The following FAM199X variants were observed in gnomAD, a reference collection of about 807,000 sequenced individuals.
FAM199X encodes protein FAM199X.
Under a neutral mutation model 22.9 loss-of-function variants are expected in FAM199X, and 4 were observed. That is an observed-to-expected ratio of 0.17 (90% CI 0.09 to 0.40). The LOEUF is 0.40. Ranked by LOEUF, FAM199X falls within the 10% of genes least tolerant of loss-of-function variation. The pLI is 1.00. For synonymous variants in FAM199X, 101 were observed against 112.3 expected, an observed-to-expected ratio of 0.90 and a Z score of 0.64; for missense variants, 183 against 306.8, an observed-to-expected ratio of 0.60 and a Z score of 3.01.
chrX:104,172,239 C>CA lies in FAM199X; in HGVS notation c.198-3366dup, dbSNP rs782684130. Among the ~76,000 whole-genome samples the CA allele has an allele frequency of 8.0e-3, 507 of 63,659 alleles. 10 individuals carry two copies. The highest frequency in any genetic ancestry group is 0.018 in the African/African-American group (316 of 17,384). The allele number at this position is 63,659 out of a possible 115,157, so 55.3% of individuals were successfully genotyped here. On this transcript the variant is annotated intron_variant, in intron 1 of 5. Transcript: ENST00000493442. ...CAACGTGATGAAACCCTTTCTCTTC[C>CA]AAAAAAAAAAAAAAAAAAGAAATGT...
At chrX:104,170,113 TG>T (rs1391768140) in intron 1 of FAM199X, among the ~76,000 whole-genome samples, 1 of 112,504 alleles carries the variant, frequency 8.9e-6, no homozygotes, top group East Asian at 2.8e-4. Flanking sequence ...TCTTTGGTTT[TG>T]GGGGCAGTGA....
At position 104,193,219 on chromosome X, in the gene FAM199X, C is replaced by T. The variant is rs1351820265; in HGVS notation, c.*3441C>T. 2 of 111,605 alleles carry T rather than the reference C, an allele frequency of 1.8e-5. No individual in the cohort carries two copies. Among genetic ancestry groups the T allele is most frequent in the African/African-American group, 6.5e-5 (2 of 30,826 alleles). The allele number at this position is 111,605 out of a possible 1,213,427, so 9.2% of individuals were successfully genotyped here. A position where few individuals can be genotyped will look rare whatever the true frequency, so the allele number is the denominator to read the frequency against. Reference sequence around the variant, plus strand: ...AGCCATTAAATCGAACCAATCAATGCTAATAGAGTATAAAAACAAAAACCT... The same window carrying T: ...AGCCATTAAATCGAACCAATCAATGTTAATAGAGTATAAAAACAAAAACCT... On this transcript the variant is annotated 3_prime_UTR_variant, in exon 6 of 6. Transcript: ENST00000493442.
upstream of FAM199X, among the ~76,000 whole-genome samples, chrX:104,163,095 TACACACACACACACACACACAC>T (rs35140355): frequency 3.1e-5 from 3 of 95,430 alleles, no homozygotes; most frequent in South Asian, 5.2e-4. Flanking sequence ...CTCAGCTAAA[TACACACACACACACACACACAC>T]ACACACACAC....
chrX:104,158,663 C>T, the FAM199X span, among the ~76,000 whole-genome samples: 1 of 111,784 alleles, frequency 8.9e-6, no homozygotes, highest in Non-Finnish European at 1.9e-5. Context: ...TCAGAATGTA[C>T]GGTACCCAGG....
intron 2 of FAM199X, among the ~76,000 whole-genome samples, chrX:104,178,231 A>G (rs1164925764): frequency 1.8e-5 from 2 of 110,516 alleles, no homozygotes; most frequent in Admixed American, 9.6e-5. Context: ...CAGTGACGCA[A>G]TCTCAGCTCA....
intron 2 of FAM199X, among the ~76,000 whole-genome samples, chrX:104,185,191 G>A (rs1556378817): frequency 9.2e-6 from 1 of 108,186 alleles, no homozygotes; most frequent in African/African-American, 3.4e-5. Context: ...ACAGGCGTGA[G>A]CTACTTTGCC....
In FAM199X at chrX:104,166,592, G is replaced by T; in HGVS notation, c.-194G>T. On this transcript the variant is annotated 5_prime_UTR_variant, in exon 1 of 6. Coordinates refer to ENST00000493442, the MANE Select transcript of FAM199X (RefSeq NM_207318.4). ...AACTGGGTGGCCGGTGGGCCGCTGT[G>T]GCCTCGAGCAGCCTCTTCGCGCGGC... 5.8e-6 allele frequency: 2 copies of T among 343,716 alleles called. No individual in the cohort carries two copies. The highest frequency in any genetic ancestry group is 9.7e-5 in the East Asian group (2 of 20,563). 28.3% of individuals were successfully genotyped at this position (343,716 alleles called of 1,213,427 possible). A position where few individuals can be genotyped will look rare whatever the true frequency, so the allele number is the denominator to read the frequency against.
intron 2 of FAM199X, among the ~76,000 whole-genome samples, chrX:104,176,930 T>G (rs1462649307): frequency 8.9e-6 from 1 of 112,103 alleles, no homozygotes; most frequent in Non-Finnish European, 1.9e-5. Flanking sequence ...CTTCCATTTT[T>G]GTTTTTCATA....
chrX:104,187,198 C>T (rs1921828780), intron 4 of FAM199X, among the ~76,000 whole-genome samples: 1 of 109,431 alleles, frequency 9.1e-6, no homozygotes, highest in East Asian at 2.9e-4. Context: ...ATTCTCCTGC[C>T]TCAGCCTCCC....
chrX:104,192,025 G>A lies in FAM199X; in HGVS notation c.*2247G>A, dbSNP rs1460235988. 9.0e-6 allele frequency: 1 copy of A among 111,234 alleles called. No homozygotes were observed. Among genetic ancestry groups the A allele is most frequent in the African/African-American group, 3.3e-5 (1 of 30,735 alleles). 9.2% of individuals were successfully genotyped at this position (111,234 alleles called of 1,213,427 possible). A position where few individuals can be genotyped will look rare whatever the true frequency, so the allele number is the denominator to read the frequency against. ...AAATTAGAGATAGTCCATAAAGTTG[G>A]GTTGAAGGAGATTGAAAATATTTCC... On this transcript the variant is annotated 3_prime_UTR_variant, in exon 6 of 6. Transcript: ENST00000493442.
intron 1 of FAM199X, among the ~76,000 whole-genome samples, chrX:104,169,860 G>A (rs1421894133): frequency 2.7e-5 from 3 of 112,027 alleles, no homozygotes; most frequent in Admixed American, 9.4e-5. Flanking sequence ...GAGCCACCGC[G>A]CCCGGCCCAG....
rs535155640 is a variant in FAM199X at position 104,195,074 on chromosome X, G to C, written c.*5296G>C. The C allele has an allele frequency of 6.3e-5, 7 of 110,655 alleles. No individual in the cohort carries two copies. In the South Asian group the frequency reaches 2.8e-3, roughly 44 times the overall value. 9.1% of individuals were successfully genotyped at this position (110,655 alleles called of 1,213,427 possible). On this transcript the variant is annotated 3_prime_UTR_variant, in exon 6 of 6. Transcript: ENST00000493442. ...GAGTTCCTTCTTGTACTTGAAAGTA[G>C]TTCAGTAGTGAAATCTAAATGAGTG...
chrX:104,192,276 G>A lies in FAM199X; in HGVS notation c.*2498G>A, dbSNP rs2147899488. 1 of 111,588 alleles carries A rather than the reference G, an allele frequency of 9.0e-6. No individual in the cohort carries two copies. Among genetic ancestry groups the A allele is most frequent in the East Asian group, 2.8e-4 (1 of 3,590 alleles). The allele number at this position is 111,588 out of a possible 1,213,427, so 9.2% of individuals were successfully genotyped here. A position where few individuals can be genotyped will look rare whatever the true frequency, so the allele number is the denominator to read the frequency against. ...AATAAGTAATAATTTATTCAATATG[G>A]TGTATCTCTGAGTTCAATTTAAAAC... On this transcript the variant is annotated 3_prime_UTR_variant, in exon 6 of 6. Coordinates refer to ENST00000493442, the MANE Select transcript of FAM199X (RefSeq NM_207318.4).
chrX:104,163,308 T>A (rs782519281), upstream of FAM199X, among the ~76,000 whole-genome samples: 2 of 112,397 alleles, frequency 1.8e-5, no homozygotes, highest in South Asian at 7.3e-4. Context: ...AGGTAAATTA[T>A]GCATCTGAAG....
upstream of FAM199X, among the ~76,000 whole-genome samples, chrX:104,165,394 C>T (rs1282086985): frequency 8.9e-6 from 1 of 111,868 alleles, no homozygotes; most frequent in African/African-American, 3.3e-5. Context: ...TTCTCCTGCC[C>T]TCTTTCTCTT....
At chrX:104,158,917 C>T in the FAM199X span, among the ~76,000 whole-genome samples, 52 of 112,307 alleles carry the variant, frequency 4.6e-4, no homozygotes, top group African/African-American at 1.6e-3. Flanking sequence ...ACCTAGGAAA[C>T]CCTCTTGGGT....
At chrX:104,187,309 C>T (rs1318254980) in intron 4 of FAM199X, among the ~76,000 whole-genome samples, 1 of 111,135 alleles carries the variant, frequency 9.0e-6, no homozygotes, top group African/African-American at 3.3e-5. Context: ...GTCTTGAACT[C>T]CTGACCTCGT....
rs782041005 is a variant in FAM199X, at chrX:104,193,875, A to G, written c.*4097A>G. 8 of 111,740 alleles carry G rather than the reference A, an allele frequency of 7.2e-5. No individual in the cohort carries two copies. The highest frequency in any genetic ancestry group is 1.3e-4 in the Non-Finnish European group (7 of 52,994). 9.2% of individuals were successfully genotyped at this position (111,740 alleles called of 1,213,427 possible). On this transcript the variant is annotated 3_prime_UTR_variant, in exon 6 of 6. Coordinates refer to ENST00000493442, the MANE Select transcript of FAM199X (RefSeq NM_207318.4). ...ATATTTTAAGCTAGGCATCTTTGTT[A>G]GCATAGTATCCGGAACATAACTACT... is the stretch of plus-strand genomic sequence containing the variant.
At chrX:104,165,239 A>T (rs1329983720), upstream of FAM199X, among the ~76,000 whole-genome samples, 1 of 112,830 alleles carries the variant, frequency 8.9e-6, no homozygotes, top group Non-Finnish European at 1.9e-5. Flanking sequence ...CATGCTCAAC[A>T]GTCAAACAAC....
Sources: allele counts gnomAD v4.1 joint callset (sites outside exome capture counted in the v4.1 genomes callset), GRCh38; gene constraint gnomAD v4.1.1; transcripts MANE v1.5; gene names NCBI Gene and HGNC (gene_info 2026-07-23, HGNC 2026-07-21).